Variants in SLC28A1 observed in about 807,000 individuals in gnomAD.
SLC28A1 encodes solute carrier family 28 member 1, also known as sodium/nucleoside cotransporter 1.
In SLC28A1, 64 loss-of-function variants were observed where a neutral mutation model predicts 74.8. The ratio of observed to expected loss-of-function variants is 0.86; its 90% CI spans 0.70 to 1.05. The LOEUF (loss-of-function observed/expected upper bound fraction) is 1.05, where lower values mean the gene tolerates loss of function less well. SLC28A1 is among the 50% of genes least tolerant of loss of function. The pLI is 0.00. For synonymous variants in SLC28A1, 359 were observed against 335.0 expected (o/e 1.07, Z -0.78); for missense variants, 828 against 822.8 (o/e 1.01, Z -0.08).
chr15:84,897,231 A>AAT (rs1966101114), intron 6 of SLC28A1, among the ~76,000 whole-genome samples: 1 of 151,374 alleles, frequency 6.6e-6, no homozygotes, highest in South Asian at 2.1e-4. Flanking sequence ...CAAAAAAAAA[A>AAT]AAAAAATGGC....
At chr15:84,889,701 CTTCCTTCT>C (rs1170301639) in intron 4 of SLC28A1, among the ~76,000 whole-genome samples, 24 of 38,916 alleles carry the variant, frequency 6.2e-4, no homozygotes, top group African/African-American at 1.5e-3. Flanking sequence ...TCTTTCCTTC[CTTCCTTCT>C]TTCCTTCCTT....
chr15:84,886,407 G>T (rs1324681931), intron 1 of SLC28A1: 12 of 985,280 alleles, frequency 1.2e-5, no homozygotes, highest in Non-Finnish European at 1.2e-5. Context: ...TAATCACATA[G>T]GTGGCTTCCT....
intron 5 of SLC28A1, among the ~76,000 whole-genome samples, chr15:84,892,878 C>G (rs7342687): frequency 0.19 from 29,472 of 152,108 alleles, 2,993 homozygotes; most frequent in Non-Finnish European, 0.22. Flanking sequence ...GCCTCTTGCC[C>G]GCTCTCCCAG....
downstream of SLC28A1, among the ~76,000 whole-genome samples, chr15:84,948,322 C>T (rs896366): frequency 0.38 from 57,398 of 152,008 alleles, 13,333 homozygotes; most frequent in Middle Eastern, 0.54. Context: ...CCTTAAACAT[C>T]ATTTTGAGGG....
intron 6 of SLC28A1, chr15:84,895,590 A>G: frequency 6.6e-7 from 1 of 1,514,832 alleles, no homozygotes. Flanking sequence ...GCTGCTTTTC[A>G]AACTGGATTC....
chr15:84,910,116 A>G (rs576769943), intron 9 of SLC28A1, among the ~76,000 whole-genome samples: 7 of 152,238 alleles, frequency 4.6e-5, no homozygotes, highest in Non-Finnish European at 1.0e-4. Flanking sequence ...CCAGTCTAAC[A>G]TCGTCAGCCC....
At chr15:84,946,279 G>T (rs2079228757), downstream of SLC28A1, among the ~76,000 whole-genome samples, 1 of 150,772 alleles carries the variant, frequency 6.6e-6, no homozygotes, top group South Asian at 2.1e-4. Context: ...TGATGGAAGT[G>T]TCTCAGTTGA....
At chr15:84,896,141 A>G (rs549083414) in intron 6 of SLC28A1, 1 of 183,990 alleles carries the variant, frequency 5.4e-6, no homozygotes, top group African/African-American at 2.4e-5. Context: ...ACTGGACTTC[A>G]TAAAAGCTAA....
At chr15:84,963,730 G>A in the SLC28A1 span, among the ~76,000 whole-genome samples, 2 of 152,178 alleles carry the variant, frequency 1.3e-5, no homozygotes, top group African/African-American at 4.8e-5. Flanking sequence ...AGAGCAAGTG[G>A]GTGGTTAAGA....
chr15:84,904,539 C>A (rs975852580), intron 7 of SLC28A1, among the ~76,000 whole-genome samples: 2 of 152,188 alleles, frequency 1.3e-5, no homozygotes, highest in Non-Finnish European at 2.9e-5. Flanking sequence ...ACCACCTCCA[C>A]CCCCAACCAC....
chr15:84,952,240 A>G, the SLC28A1 span, among the ~76,000 whole-genome samples: 2 of 152,180 alleles, frequency 1.3e-5, no homozygotes, highest in Non-Finnish European at 2.9e-5. Flanking sequence ...TCCCACAAGG[A>G]CTGCTTGGAG....
Position 84,933,195 on chromosome 15 carries a change from C to A in SLC28A1, c.1134C>A (p.Ala378=). ...CCTCTGTGATGGCTGCCCCTTGTGC[C>A]TTGGCCCTCTCCAAGCTGGTCTACC... ...IAASVMAAPC[A]LALSKLVYPE... is the part of the protein sequence containing the mutation. The change falls in exon 13 of 19, where the codon GCC becomes GCA. Residue 378 remains alanine (A), a synonymous_variant. Coordinates refer to ENST00000394573, the MANE Select transcript of SLC28A1 (RefSeq NM_004213.5). The A allele has an allele frequency of 1.2e-6, 2 of 1,613,822 alleles. No homozygotes were observed. The highest frequency in any genetic ancestry group is 1.7e-6 in the Non-Finnish European group (2 of 1,179,886).
At chr15:84,888,405 C>CA (rs1031806337) in intron 3 of SLC28A1, among the ~76,000 whole-genome samples, 2 of 143,276 alleles carry the variant, frequency 1.4e-5, no homozygotes, top group African/African-American at 5.0e-5. Context: ...ACCCACCCCC[C>CA]ACCCAAAACA....
chr15:84,933,627 G>A (rs941220201), intron 13 of SLC28A1, among the ~76,000 whole-genome samples: 9 of 152,262 alleles, frequency 5.9e-5, no homozygotes, highest in African/African-American at 2.2e-4. Flanking sequence ...GTTGAGGGGT[G>A]CCAGGCAGGG....
Position 84,885,457 on chromosome 15 carries a change from C to T in SLC28A1, c.-133+706C>T, listed in dbSNP as rs185514419. Among the ~76,000 whole-genome samples the T allele has an allele frequency of 3.5e-3, 534 of 151,614 alleles. 2 individuals carry two copies. Among genetic ancestry groups the T allele is most frequent in the African/African-American group, 0.012 (496 of 41,346 alleles). On this transcript the variant is annotated intron_variant, in intron 1 of 18. Transcript: ENST00000394573. ...AAAAAAAAGTGGAGAAAAGGCCAGG[C>T]GCGGTGGCTCATGCCTGTAATCCCA...
the SLC28A1 span, among the ~76,000 whole-genome samples, chr15:84,951,660 G>C: frequency 6.6e-6 from 1 of 152,184 alleles, no homozygotes; most frequent in Non-Finnish European, 1.5e-5. Flanking sequence ...GAACAAATGG[G>C]AACAAGCTAT....
In SLC28A1 at chr15:84,935,487, A is replaced by C; in HGVS notation, c.1550A>C (p.Glu517Ala). Residue 517 changes from glutamate (E) to alanine (A), a missense_variant, in exon 15 of 19, where the codon GAG becomes GCG. Around this residue, in one of 3 missense-constraint regions of SLC28A1, gnomAD observed 767 missense variants for 753.5 expected, o/e 1.02. Transcript: ENST00000394573. ...CAACGCCGCCTGGCAGGGGCCGAGG[A>C]GTGGGTCGGCGACAGGAAGCAGTGG... Reference protein sequence around the residue: ...YKQRRLAGAEEWVGDRKQWIS... With the variant: ...YKQRRLAGAEAWVGDRKQWIS... 6.2e-7 allele frequency: 1 copy of C among 1,613,988 alleles called. No homozygotes were observed. Among genetic ancestry groups the C allele is most frequent in the African/African-American group, 1.3e-5 (1 of 75,050 alleles).
At chr15:84,951,160 G>A in the SLC28A1 span, among the ~76,000 whole-genome samples, 4 of 152,192 alleles carry the variant, frequency 2.6e-5, no homozygotes, top group African/African-American at 9.7e-5. Context: ...GCTTCAAGTT[G>A]AAGGGAGCCT....
At chr15:84,970,873 A>C in the SLC28A1 span, among the ~76,000 whole-genome samples, 2 of 152,144 alleles carry the variant, frequency 1.3e-5, no homozygotes, top group Non-Finnish European at 2.9e-5. Context: ...AAAACAAAAA[A>C]ATATAAAATC....
Sources: gnomAD v4.1 joint callset for allele counts (sites outside exome capture counted in the v4.1 genomes callset) on GRCh38, gnomAD v4.1.1 for gene constraint, gnomAD v4.1.1 regional missense constraint, MANE v1.5 for transcripts, NCBI Gene and HGNC (gene_info 2026-07-23, HGNC 2026-07-21) for gene names.